Variants in TBL1XR1 observed in about 807,000 individuals in gnomAD.
TBL1XR1 encodes TBL1X/Y related 1.
TBL1XR1 carries 5 observed loss-of-function variants against 66.9 expected under a neutral mutation model. The observed-to-expected ratio is 0.07, with a 90% CI of 0.04 to 0.16. The LOEUF is 0.16. TBL1XR1 is among the 10% of genes least tolerant of loss of function. The pLI is 1.00. For synonymous variants in TBL1XR1, 210 were observed against 206.0 expected, an observed-to-expected ratio of 1.02 and a Z score of -0.17; for missense variants, 238 against 623.2, an observed-to-expected ratio of 0.38 and a Z score of 6.58.
intron 1 of TBL1XR1, among the ~76,000 whole-genome samples, chr3:177,179,105 G>A (rs915211796): frequency 1.5e-4 from 16 of 109,642 alleles, no homozygotes; most frequent in Admixed American, 8.1e-4. Flanking sequence ...CAACAAGAGC[G>A]AAACTACGTC....
At chr3:177,199,379 C>CTTTT (rs11293475), upstream of TBL1XR1, among the ~76,000 whole-genome samples, 1 of 145,154 alleles carries the variant, frequency 6.9e-6, no homozygotes, top group Non-Finnish European at 1.5e-5. Context: ...TAGTATCTTC[C>CTTTT]TTTTTTTTTT....
At chr3:177,199,454 G>A (rs1039027285), upstream of TBL1XR1, among the ~76,000 whole-genome samples, 5 of 150,304 alleles carry the variant, frequency 3.3e-5, no homozygotes, top group African/African-American at 1.2e-4. Context: ...AAACTATCTC[G>A]GTGGAGCCAC....
At chr3:177,167,616 C>G (rs151187751) in intron 1 of TBL1XR1, among the ~76,000 whole-genome samples, 30 of 152,266 alleles carry the variant, frequency 2.0e-4, no homozygotes, top group African/African-American at 7.0e-4. Flanking sequence ...TTATTGTGAA[C>G]CTAAAACTGC....
chr3:177,140,934 A>C (rs1370250066), intron 1 of TBL1XR1, among the ~76,000 whole-genome samples: 3 of 152,174 alleles, frequency 2.0e-5, no homozygotes, highest in Non-Finnish European at 4.4e-5. Flanking sequence ...TCATTAGTGT[A>C]TATTATATAT....
intron 10 of TBL1XR1, chr3:177,044,928 A>C (rs1716117539): frequency 6.6e-6 from 1 of 152,156 alleles, no homozygotes; most frequent in South Asian, 2.1e-4. Flanking sequence ...ATTAACAGCC[A>C]AGAAGCCTGA....
intron 1 of TBL1XR1, among the ~76,000 whole-genome samples, chr3:177,109,210 T>G (rs1725260593): frequency 6.6e-6 from 1 of 152,126 alleles, no homozygotes. Flanking sequence ...ATTTCATACC[T>G]TTTCCCAATT....
intron 12 of TBL1XR1, among the ~76,000 whole-genome samples, chr3:177,034,802 GAA>G: frequency 6.9e-6 from 1 of 144,674 alleles, no homozygotes; most frequent in African/African-American, 2.5e-5. Flanking sequence ...TGAAAAGTAG[GAA>G]AAAAAAAAAG....
chr3:177,046,496 G>GT (rs754019065), intron 9 of TBL1XR1, among the ~76,000 whole-genome samples: 21 of 152,094 alleles, frequency 1.4e-4, no homozygotes, highest in Non-Finnish European at 1.5e-5. Context: ...TACATTTAAT[G>GT]TAAGACTCGT....
intron 14 of TBL1XR1, among the ~76,000 whole-genome samples, chr3:177,030,324 T>A (rs1284314614): frequency 6.6e-6 from 1 of 151,776 alleles, no homozygotes; most frequent in African/African-American, 2.4e-5. Flanking sequence ...TATATTCATA[T>A]AATGCTCTGG....
At chr3:177,115,154 C>T (rs1274683670) in intron 1 of TBL1XR1, among the ~76,000 whole-genome samples, 1 of 152,040 alleles carries the variant, frequency 6.6e-6, no homozygotes, top group African/African-American at 2.4e-5. Flanking sequence ...ATGCCATCAA[C>T]CAGTAAGTAC....
At chr3:177,075,711 C>T (rs1334361144) in intron 2 of TBL1XR1, among the ~76,000 whole-genome samples, 2 of 152,220 alleles carry the variant, frequency 1.3e-5, no homozygotes, top group African/African-American at 2.4e-5. Flanking sequence ...AATAAGCTAG[C>T]CTCAAGCTAA....
At chr3:177,160,609 A>C (rs1219446197) in intron 1 of TBL1XR1, among the ~76,000 whole-genome samples, 2 of 151,828 alleles carry the variant, frequency 1.3e-5, no homozygotes, top group Non-Finnish European at 2.9e-5. Flanking sequence ...GTTTGATGGG[A>C]TACTTCCCAA....
rs897274685 is a variant in TBL1XR1, at chr3:177,050,463, C to A, written c.560+15G>T. 1.2e-6 allele frequency: 2 copies of A among 1,612,886 alleles called. No homozygotes were observed. The highest frequency in any genetic ancestry group is 8.5e-7 in the Non-Finnish European group (1 of 1,179,448). On this transcript the variant is annotated intron_variant, in intron 6 of 15. Transcript: ENST00000457928. ...ATATTTTTAAGTCATTTTAGTATCA[C>A]TTTGAGAAACATACCCTGATGCTAG...
At chr3:177,144,623 G>A (rs1045307360) in intron 1 of TBL1XR1, among the ~76,000 whole-genome samples, 4 of 151,840 alleles carry the variant, frequency 2.6e-5, no homozygotes, top group South Asian at 2.1e-4. Flanking sequence ...GTGTGGTAGC[G>A]GGTGCCTGTA....
chr3:177,114,954 G>A (rs1726123237), intron 1 of TBL1XR1, among the ~76,000 whole-genome samples: 1 of 151,856 alleles, frequency 6.6e-6, no homozygotes, highest in African/African-American at 2.4e-5. Context: ...ACTCCAGCTT[G>A]GGCAACAGAG....
chr3:177,077,498 A>G (rs1223887871), intron 2 of TBL1XR1, among the ~76,000 whole-genome samples: 1 of 152,216 alleles, frequency 6.6e-6, no homozygotes, highest in Non-Finnish European at 1.5e-5. Flanking sequence ...TCTAAAATGT[A>G]TCCAACACCT....
At chr3:177,050,349 G>C in intron 6 of TBL1XR1, 129 bp downstream of exon 6, 1 of 1,297,122 alleles carries the variant, frequency 7.7e-7, no homozygotes, top group Non-Finnish European at 1.0e-6. Context: ...CTTCATGAAG[G>C]AATAAAAAAT....
chr3:177,074,827 T>C (rs1476011059), intron 2 of TBL1XR1, among the ~76,000 whole-genome samples: 1 of 152,210 alleles, frequency 6.6e-6, no homozygotes, highest in Non-Finnish European at 1.5e-5. Context: ...ATAAATACAT[T>C]TTAACTCAAT....
chr3:177,147,665 G>A (rs1056934183), intron 1 of TBL1XR1, among the ~76,000 whole-genome samples: 11 of 152,162 alleles, frequency 7.2e-5, no homozygotes, highest in African/African-American at 2.4e-4. Context: ...TCTTGGGGCT[G>A]AGGAAAATTA....
Sources: allele counts gnomAD v4.1 joint callset (sites outside exome capture counted in the v4.1 genomes callset), GRCh38; gene constraint gnomAD v4.1.1; transcripts MANE v1.5; gene names NCBI Gene and HGNC (gene_info 2026-07-23, HGNC 2026-07-21).